The following RBFOX1 variants were observed in gnomAD, a reference collection of about 807,000 sequenced individuals.
RBFOX1 encodes the protein RNA binding fox-1 homolog 1, also known as RNA binding protein fox-1 homolog 1.
RBFOX1 carries 8 observed loss-of-function variants against 57.7 expected under a neutral mutation model. The ratio of observed to expected loss-of-function variants is 0.14; its 90% confidence interval spans 0.08 to 0.25. RBFOX1 has a LOEUF of 0.25. RBFOX1 is among the 10% of genes least tolerant of loss of function. RBFOX1 has a pLI of 1.00. For synonymous variants in RBFOX1, 326 were observed against 222.4 expected (o/e 1.47, Z -4.15); for missense variants, 611 against 548.5 (o/e 1.11, Z -1.14).
intron 14 of RBFOX1, among the ~76,000 whole-genome samples, chr16:7,687,709 T>G (rs1162080705): frequency 6.6e-6 from 1 of 152,058 alleles, no homozygotes; most frequent in Non-Finnish European, 1.5e-5. Flanking sequence ...ATAAGACAAT[T>G]ACTAATTATA....
chr16:7,690,645 A>C (rs1307542083), intron 14 of RBFOX1, among the ~76,000 whole-genome samples: 2 of 147,914 alleles, frequency 1.4e-5, no homozygotes, highest in Non-Finnish European at 3.0e-5. Context: ...CCCACTGTCC[A>C]GAATATACCT....
chr16:5,606,068 G>A lies in RBFOX1; in HGVS notation c.318+7107G>A, dbSNP rs573660873. On this transcript the variant is annotated intron_variant, in intron 3 of 19. Transcript: ENST00000641259. ...AGTTAGCAGAGGTTGCCCGTGGCAT[G>A]TCTCTAGTTGACCCACTGTCTGATC... Among the ~76,000 whole-genome samples the A allele has an allele frequency of 1.2e-4, 19 of 152,298 alleles. No individual in the cohort carries two copies. The East Asian group carries it at 3.5e-3, about 28-fold the overall frequency.
At chr16:7,596,781 C>T (rs1264567189) in intron 8 of RBFOX1, among the ~76,000 whole-genome samples, 1 of 152,124 alleles carries the variant, frequency 6.6e-6, no homozygotes, top group Non-Finnish European at 1.5e-5. Context: ...ACAATGCACC[C>T]TCTCTTTTAT....
intron 4 of RBFOX1, among the ~76,000 whole-genome samples, chr16:7,259,954 C>T (rs1740655120): frequency 6.6e-6 from 1 of 152,092 alleles, no homozygotes; most frequent in Non-Finnish European, 1.5e-5. Flanking sequence ...CCCTCCCCTC[C>T]CTGATTTAGT....
chr16:5,409,263 T>C (rs865807690), intron 1 of RBFOX1, among the ~76,000 whole-genome samples: 7 of 152,194 alleles, frequency 4.6e-5, no homozygotes, highest in African/African-American at 1.7e-4. Context: ...CGATGGACAG[T>C]GTTCACTGTT....
intron 3 of RBFOX1, among the ~76,000 whole-genome samples, chr16:5,735,034 A>C (rs2052521273): frequency 6.6e-6 from 1 of 152,240 alleles, no homozygotes; most frequent in African/African-American, 2.4e-5. Context: ...CCATGAGAGA[A>C]GTATGTGAAG....
At chr16:6,869,708 A>T (rs2060542049) in intron 3 of RBFOX1, among the ~76,000 whole-genome samples, 1 of 152,164 alleles carries the variant, frequency 6.6e-6, no homozygotes, top group African/African-American at 2.4e-5. Flanking sequence ...GCAGTTGGCA[A>T]AGCCATGTGA....
intron 2 of RBFOX1, among the ~76,000 whole-genome samples, chr16:6,436,348 G>A (rs548858518): frequency 9.9e-5 from 15 of 152,156 alleles, no homozygotes; most frequent in African/African-American, 3.6e-4. Context: ...ACCACCAATA[G>A]CCATAAGCAC....
chr16:6,307,471 ATTTC>A lies in RBFOX1; in HGVS notation c.-126-9518_-126-9515del, dbSNP rs563461799. Among the ~76,000 whole-genome samples, 121 of 151,054 alleles carry A rather than the reference ATTTC, an allele frequency of 8.0e-4. No homozygotes were observed. The South Asian group carries it at 0.011, about 14-fold the overall frequency. ...AATTATTTCTTATTTATACTAAATT[ATTTC>A]TTTCTAAGTCTAATTGATCTAAATA... On this transcript the variant is annotated intron_variant, in intron 1 of 15. Coordinates refer to ENST00000550418, the MANE Select transcript of RBFOX1 (RefSeq NM_018723.4).
intron 3 of RBFOX1, among the ~76,000 whole-genome samples, chr16:6,706,408 G>C (rs1183285277): frequency 6.6e-6 from 1 of 152,204 alleles, no homozygotes; most frequent in Middle Eastern, 3.2e-3. Context: ...AATAATCAAG[G>C]CTTAATTTGG....
intron 2 of RBFOX1, among the ~76,000 whole-genome samples, chr16:6,620,434 G>C (rs182136216): frequency 2.0e-5 from 3 of 152,238 alleles, no homozygotes; most frequent in African/African-American, 7.2e-5. Context: ...ACAATTAAAA[G>C]AACTGGAGAA....
intron 4 of RBFOX1, among the ~76,000 whole-genome samples, chr16:7,263,918 A>AT (rs1254980932): frequency 4.3e-4 from 56 of 129,392 alleles, no homozygotes; most frequent in African/African-American, 1.7e-3. Context: ...ATATATATAA[A>AT]TTAAAAAAAA....
At chr16:7,372,615 C>G (rs552559480) in intron 4 of RBFOX1, among the ~76,000 whole-genome samples, 1 of 152,088 alleles carries the variant, frequency 6.6e-6, no homozygotes, top group African/African-American at 2.4e-5. Flanking sequence ...TTAGTAATGT[C>G]TGCTAAGTGC....
chr16:6,939,996 A>T (rs980185298), intron 3 of RBFOX1, among the ~76,000 whole-genome samples: 2 of 152,212 alleles, frequency 1.3e-5, no homozygotes, highest in African/African-American at 2.4e-5. Flanking sequence ...TATCATCCAT[A>T]GCACTTTGAA....
At chr16:6,698,313 T>G (rs749643490) in intron 3 of RBFOX1, among the ~76,000 whole-genome samples, 1 of 152,328 alleles carries the variant, frequency 6.6e-6, no homozygotes, top group East Asian at 1.9e-4. Flanking sequence ...TCCATTTTTC[T>G]AAGATATATG....
chr16:7,611,787 C>G (rs1323301035), intron 10 of RBFOX1, among the ~76,000 whole-genome samples: 4 of 152,052 alleles, frequency 2.6e-5, no homozygotes, highest in African/African-American at 7.2e-5. Context: ...TGAGAACGTT[C>G]TAATGTATTT....
intron 4 of RBFOX1, among the ~76,000 whole-genome samples, chr16:7,265,283 T>A (rs2095084043): frequency 2.0e-5 from 3 of 152,104 alleles, no homozygotes; most frequent in South Asian, 4.2e-4. Context: ...AGTTATCATG[T>A]GGTCTCGGTG....
chr16:7,290,112 A>G (rs1318940435), intron 4 of RBFOX1, among the ~76,000 whole-genome samples: 3 of 152,236 alleles, frequency 2.0e-5, no homozygotes, highest in African/African-American at 7.2e-5. Context: ...AAACCATTTT[A>G]GAAATAAATG....
chr16:5,671,773 TC>T (rs2050019379), intron 3 of RBFOX1, among the ~76,000 whole-genome samples: 1 of 152,222 alleles, frequency 6.6e-6, no homozygotes, highest in Non-Finnish European at 1.5e-5. Context: ...GAGGAGACTA[TC>T]CAGTGAATAT....
Sources: gnomAD v4.1 joint callset for allele counts (sites outside exome capture counted in the v4.1 genomes callset) on GRCh38, gnomAD v4.1.1 for gene constraint, MANE v1.5 for transcripts, NCBI Gene and HGNC (gene_info 2026-07-23, HGNC 2026-07-21) for gene names.